The following GRM8 variants were observed in gnomAD, a reference collection of about 807,000 sequenced individuals.
The protein encoded by GRM8 is metabotropic glutamate receptor 8.
Under a neutral mutation model 87.2 loss-of-function variants are expected in GRM8, and 47 were observed. The observed-to-expected ratio is 0.54, with a 90% CI of 0.43 to 0.69. GRM8 has a LOEUF of 0.69. Ranked by LOEUF, GRM8 falls within the 30% of genes least tolerant of loss-of-function variation. GRM8 has a pLI of 0.00. For synonymous variants in GRM8, 396 were observed against 404.5 expected (o/e 0.98, Z 0.25); for missense variants, 1,019 against 1,139.2 (o/e 0.89, Z 1.52).
At chr7:127,078,506 ACT>A (rs1177637334) in intron 3 of GRM8, among the ~76,000 whole-genome samples, 3 of 152,206 alleles carry the variant, frequency 2.0e-5, no homozygotes, top group Non-Finnish European at 2.9e-5. Context: ...GGCAATCATA[ACT>A]CTTGTTAGAG....
chr7:127,083,364 C>T (rs1823080701), intron 3 of GRM8, among the ~76,000 whole-genome samples: 2 of 152,054 alleles, frequency 1.3e-5, no homozygotes. Context: ...TACTAGTCAC[C>T]TCATCTCCAT....
At chr7:126,470,633 C>T (rs141906600) in intron 9 of GRM8, among the ~76,000 whole-genome samples, 94,320 of 151,812 alleles carry the variant, frequency 0.62, 30,025 homozygotes, top group African/African-American at 0.77. Flanking sequence ...CTATTGTGAA[C>T]AGTGCTGCAA....
chr7:126,827,712 A>C (rs62470216), intron 6 of GRM8, among the ~76,000 whole-genome samples: 6 of 152,092 alleles, frequency 3.9e-5, no homozygotes, highest in South Asian at 2.1e-4. Flanking sequence ...TTTCCTTCTC[A>C]TGCCTAATTG....
intron 3 of GRM8, among the ~76,000 whole-genome samples, chr7:126,996,245 A>G (rs1813166260): frequency 6.6e-6 from 1 of 152,124 alleles, no homozygotes; most frequent in Non-Finnish European, 1.5e-5. Flanking sequence ...ATAAGCAATA[A>G]GAAATCATCT....
intron 6 of GRM8, among the ~76,000 whole-genome samples, chr7:126,774,226 C>G (rs1161118747): frequency 2.0e-5 from 3 of 152,132 alleles, no homozygotes; most frequent in Non-Finnish European, 4.4e-5. Flanking sequence ...AACACTTCAA[C>G]CTCATGATGA....
intron 6 of GRM8, among the ~76,000 whole-genome samples, chr7:126,783,366 A>C (rs1169149814): frequency 1.3e-5 from 2 of 152,146 alleles, no homozygotes; most frequent in Non-Finnish European, 2.9e-5. Flanking sequence ...CTCTCCATAA[A>C]TCTTTTTGCT....
chr7:126,568,171 A>T (rs1794402703), intron 8 of GRM8, among the ~76,000 whole-genome samples: 1 of 152,146 alleles, frequency 6.6e-6, no homozygotes, highest in African/African-American at 2.4e-5. Context: ...GAACAGAGAT[A>T]ATGAGGCAAA....
chr7:126,604,140 T>A (rs201482111), intron 8 of GRM8, among the ~76,000 whole-genome samples: 2 of 152,012 alleles, frequency 1.3e-5, no homozygotes, highest in East Asian at 3.9e-4. Flanking sequence ...TAACTGATCA[T>A]CTATAGGAAA....
At chr7:126,858,611 A>G (rs1797886294) in intron 6 of GRM8, among the ~76,000 whole-genome samples, 1 of 152,166 alleles carries the variant, frequency 6.6e-6, no homozygotes, top group African/African-American at 2.4e-5. Flanking sequence ...GCCAGTTTCA[A>G]TCTTCCATTG....
intron 8 of GRM8, among the ~76,000 whole-genome samples, chr7:126,541,746 A>G (rs985243519): frequency 6.6e-6 from 1 of 152,246 alleles, no homozygotes; most frequent in African/African-American, 2.4e-5. Flanking sequence ...GATACAGATT[A>G]TCAGGTACAA....
intron 8 of GRM8, among the ~76,000 whole-genome samples, chr7:126,571,451 T>G (rs1325333774): frequency 6.6e-6 from 1 of 152,158 alleles, no homozygotes; most frequent in African/African-American, 2.4e-5. Context: ...AGGACAAGGA[T>G]GGGAGACCCA....
chr7:127,137,014 A>G (rs1413973122), intron 2 of GRM8, among the ~76,000 whole-genome samples: 1 of 152,118 alleles, frequency 6.6e-6, no homozygotes, highest in Non-Finnish European at 1.5e-5. Flanking sequence ...TCACAGGATA[A>G]AAGTCACATT....
chr7:126,548,003 A>G (rs1817346967), intron 8 of GRM8, among the ~76,000 whole-genome samples: 1 of 152,150 alleles, frequency 6.6e-6, no homozygotes, highest in South Asian at 2.1e-4. Flanking sequence ...AAAGATGTGA[A>G]TCCACCACAA....
chr7:126,485,752 T>C (rs1231159838), intron 9 of GRM8, among the ~76,000 whole-genome samples: 1 of 151,882 alleles, frequency 6.6e-6, no homozygotes, highest in Non-Finnish European at 1.5e-5. Flanking sequence ...TCCTGGACCC[T>C]CCCTTGGCCA....
intron 8 of GRM8, among the ~76,000 whole-genome samples, chr7:126,573,032 G>A (rs1039734780): frequency 5.3e-5 from 8 of 152,206 alleles, no homozygotes; most frequent in East Asian, 3.9e-4. Context: ...GCATTAGAAC[G>A]TTAAGCGATA....
At chr7:126,901,060 T>C (rs1274217859) in intron 6 of GRM8, among the ~76,000 whole-genome samples, 2 of 152,224 alleles carry the variant, frequency 1.3e-5, no homozygotes, top group Non-Finnish European at 2.9e-5. Flanking sequence ...GTGCATGGTC[T>C]GGCTCCAGAC....
At chr7:126,770,523 C>A (rs186597233) in intron 6 of GRM8, among the ~76,000 whole-genome samples, 7 of 151,962 alleles carry the variant, frequency 4.6e-5, no homozygotes, top group African/African-American at 7.2e-5. Flanking sequence ...CATTTGGGAG[C>A]CTTTTTGTAA....
At chr7:127,242,037 C>T (rs141944014) in intron 2 of GRM8, among the ~76,000 whole-genome samples, 46 of 152,190 alleles carry the variant, frequency 3.0e-4, no homozygotes, top group African/African-American at 1.1e-3. Flanking sequence ...GATCACCAAA[C>T]CTAAATCAAA....
chr7:127,140,352 T>C (rs553480034), intron 2 of GRM8, among the ~76,000 whole-genome samples: 1 of 152,246 alleles, frequency 6.6e-6, no homozygotes, highest in African/African-American at 2.4e-5. Flanking sequence ...TTGCCAAATG[T>C]CCCTGAGACA....
Sources: gnomAD v4.1 joint callset for allele counts (sites outside exome capture counted in the v4.1 genomes callset) on GRCh38, gnomAD v4.1.1 for gene constraint, MANE v1.5 for transcripts, NCBI Gene and HGNC (gene_info 2026-07-23, HGNC 2026-07-21) for gene names.